Variants in CCND3 observed in about 807,000 individuals in gnomAD.
CCND3 encodes the protein cyclin D3.
A neutral mutation model predicts 28.7 loss-of-function variants in CCND3; 9 were observed. The ratio of observed to expected loss-of-function variants is 0.31; its 90% confidence interval spans 0.19 to 0.55. The LOEUF is 0.55. Ranked by LOEUF, CCND3 falls within the 20% of genes least tolerant of loss-of-function variation. CCND3 has a pLI of 0.93. For synonymous variants in CCND3, 164 were observed against 163.9 expected (o/e 1.00, Z 0.00); for missense variants, 315 against 385.8 (o/e 0.82, Z 1.54).
At chr6:42,001,683 C>T (rs943872202) in intron 1 of CCND3, among the ~76,000 whole-genome samples, 1 of 152,028 alleles carries the variant, frequency 6.6e-6, no homozygotes, top group African/African-American at 2.4e-5. Context: ...TCAAGGATAG[C>T]CTGAGCAGCA....
At chr6:42,014,317 G>A (rs1763432055) in intron 1 of CCND3, among the ~76,000 whole-genome samples, 2 of 152,080 alleles carry the variant, frequency 1.3e-5, no homozygotes, top group Non-Finnish European at 2.9e-5. Context: ...GCAGTGAGCC[G>A]AGATGGCGCC....
intron 1 of CCND3, among the ~76,000 whole-genome samples, chr6:42,029,443 C>T (rs546547209): frequency 1.8e-4 from 28 of 152,238 alleles, no homozygotes; most frequent in African/African-American, 5.3e-4. Flanking sequence ...GGACATTAGA[C>T]GGCCTTGGGA....
intron 1 of CCND3, among the ~76,000 whole-genome samples, chr6:42,006,515 G>A (rs921436188): frequency 4.6e-5 from 7 of 151,396 alleles, no homozygotes; most frequent in African/African-American, 1.7e-4. Context: ...CAAAACAAAG[G>A]AAAATAAATG....
intron 1 of CCND3, among the ~76,000 whole-genome samples, chr6:42,021,232 T>C (rs1428634313): frequency 6.6e-6 from 1 of 152,238 alleles, no homozygotes; most frequent in Non-Finnish European, 1.5e-5. Context: ...AACTTTATCA[T>C]TGGTATGTAT....
chr6:41,977,511 C>A (rs1195864330), intron 1 of CCND3, among the ~76,000 whole-genome samples: 1 of 152,084 alleles, frequency 6.6e-6, no homozygotes, highest in Non-Finnish European at 1.5e-5. Flanking sequence ...GGATTACAGG[C>A]ACCTGCCACG....
At chr6:42,009,620 A>AAAAACAAAACAAAACAAAACAAAAC in intron 1 of CCND3, among the ~76,000 whole-genome samples, 1 of 150,390 alleles carries the variant, frequency 6.6e-6, no homozygotes, top group Non-Finnish European at 1.5e-5. Flanking sequence ...TTCAAAACAA[A>AAAAACAAAACAAAACAAAACAAAAC]AAAACAAAAC....
At position 41,936,691 on chromosome 6, in the gene CCND3, A is replaced by G. The variant is rs1775810715; in HGVS notation, c.579T>C (p.Tyr193=). Reference sequence around the variant, plus strand: ...TGGATGGCGGGTACATGGCAAAGGTATAATCTTGGAGAGGAGGAAAGGGAA... The same window carrying G: ...TGGATGGCGGGTACATGGCAAAGGTGTAATCTTGGAGAGGAGGAAAGGGAA... ...QTFLALCATD[Y]TFAMYPPSMI... is the part of the protein sequence containing the mutation. Residue 193 remains tyrosine (Y), a synonymous_variant, in exon 4 of 5, where the codon TAT becomes TAC. Coordinates refer to ENST00000372991, the MANE Select transcript of CCND3 (RefSeq NM_001760.5). This position sits in a 1 kb window ranked among gnomAD's most constrained non-coding sequence, Gnocchi z 4.4. 1.2e-6 allele frequency: 2 copies of G among 1,613,630 alleles called. No homozygotes were observed. The highest frequency in any genetic ancestry group is 2.7e-5 in the African/African-American group (2 of 74,916).
intron 1 of CCND3, among the ~76,000 whole-genome samples, chr6:41,983,890 G>A (rs546609825): frequency 6.6e-6 from 1 of 152,124 alleles, no homozygotes; most frequent in South Asian, 2.1e-4. Flanking sequence ...CTGTACAATA[G>A]ATCTCTGAAT....
intron 1 of CCND3, among the ~76,000 whole-genome samples, chr6:42,010,345 A>T (rs561747816): frequency 1.4e-5 from 2 of 147,686 alleles, no homozygotes; most frequent in East Asian, 4.0e-4. Context: ...TGCCCTCTGC[A>T]GCATGGAGGA....
chr6:41,995,477 C>T (rs1437796335), intron 1 of CCND3, among the ~76,000 whole-genome samples: 2 of 152,086 alleles, frequency 1.3e-5, no homozygotes, highest in African/African-American at 2.4e-5. Context: ...AGCCTGGTCT[C>T]GAACTCCTGA....
At chr6:42,008,722 G>T (rs7774526) in intron 1 of CCND3, among the ~76,000 whole-genome samples, 149,459 of 152,308 alleles carry the variant, frequency 0.98, 73,401 homozygotes, top group East Asian at 1. Flanking sequence ...TATATATTCG[G>T]TTATGGTTTT....
At chr6:41,937,099 T>C (rs1438813237) in intron 3 of CCND3, 136 bp downstream of exon 3, 1 of 940,712 alleles carries the variant, frequency 1.1e-6, no homozygotes, top group East Asian at 2.5e-5. Flanking sequence ...TTTTCTGCAT[T>C]GAGACTGGGG....
chr6:41,970,507 A>G (rs1485618411), intron 1 of CCND3, among the ~76,000 whole-genome samples: 1 of 152,190 alleles, frequency 6.6e-6, no homozygotes, highest in Admixed American at 6.5e-5. Flanking sequence ...AGACAGTGAG[A>G]GGTTCATTTG....
At chr6:41,990,894 T>A (rs959720344) in intron 1 of CCND3, among the ~76,000 whole-genome samples, 5 of 151,896 alleles carry the variant, frequency 3.3e-5, no homozygotes, top group Non-Finnish European at 7.4e-5. Flanking sequence ...TTGGCCAGAC[T>A]GGTTTTGAAC....
chr6:41,982,101 C>A (rs1173603132), intron 1 of CCND3, among the ~76,000 whole-genome samples: 2 of 151,470 alleles, frequency 1.3e-5, no homozygotes, highest in African/African-American at 4.8e-5. Flanking sequence ...GAAACCCTGT[C>A]TCTACTAAAA....
At chr6:42,018,384 G>A (rs971814373) in intron 1 of CCND3, 8 of 151,638 alleles carry the variant, frequency 5.3e-5, no homozygotes, top group African/African-American at 1.9e-4. Context: ...TAGTGGAGAC[G>A]GGATTTCACC....
chr6:41,956,879 A>T (rs965189673), intron 1 of CCND3, among the ~76,000 whole-genome samples: 2 of 152,010 alleles, frequency 1.3e-5, no homozygotes, highest in Non-Finnish European at 2.9e-5. Flanking sequence ...ATACAAAAAA[A>T]AATTAGCCGG....
At chr6:42,010,003 A>T (rs1763294704) in intron 1 of CCND3, among the ~76,000 whole-genome samples, 1 of 152,166 alleles carries the variant, frequency 6.6e-6, no homozygotes, top group Admixed American at 6.6e-5. Context: ...CAAGGAATGC[A>T]GGCTAAGCTT....
At chr6:41,947,776 G>C (rs147929970) in intron 1 of CCND3, among the ~76,000 whole-genome samples, 1 of 151,846 alleles carries the variant, frequency 6.6e-6, no homozygotes, top group African/African-American at 2.4e-5. Flanking sequence ...TCTACCCCCC[G>C]GTCCGAGTTG....
Sources: allele counts gnomAD v4.1 joint callset (sites outside exome capture counted in the v4.1 genomes callset), GRCh38; gene constraint gnomAD v4.1.1; non-coding constraint Gnocchi (gnomAD v3.1); transcripts MANE v1.5; gene names NCBI Gene and HGNC (gene_info 2026-07-23, HGNC 2026-07-21).